Variants in RNLS observed in about 807,000 individuals in gnomAD.
RNLS encodes the protein renalase.
In RNLS, 39 loss-of-function variants were observed where a neutral mutation model predicts 39.8. That is an observed-to-expected ratio of 0.98 (90% CI 0.76 to 1.28). The LOEUF is 1.28. RNLS is among the 50% of genes most tolerant of loss of function. RNLS has a pLI of 0.00. For synonymous variants in RNLS, 147 were observed against 150.7 expected, an observed-to-expected ratio of 0.98 and a Z score of 0.18; for missense variants, 410 against 413.3, an observed-to-expected ratio of 0.99 and a Z score of 0.07.
At chr10:88,217,332 G>A in the RNLS span, among the ~76,000 whole-genome samples, 2 of 152,180 alleles carry the variant, frequency 1.3e-5, no homozygotes, top group Admixed American at 6.5e-5. Context: ...CATATATTTT[G>A]CAGAAATAAC....
intron 4 of RNLS, among the ~76,000 whole-genome samples, chr10:88,544,042 A>G (rs577475836): frequency 3.9e-5 from 6 of 152,286 alleles, no homozygotes; most frequent in African/African-American, 1.4e-4. Flanking sequence ...AGTCACTTAT[A>G]AGCTCTGTGA....
the RNLS span, among the ~76,000 whole-genome samples, chr10:88,238,409 T>C: frequency 2.0e-5 from 3 of 152,158 alleles, no homozygotes; most frequent in African/African-American, 7.2e-5. Flanking sequence ...GTAAGAATGA[T>C]TACATTCTGC....
intron 6 of RNLS, among the ~76,000 whole-genome samples, chr10:88,294,079 G>T (rs981653096): frequency 1.3e-5 from 2 of 152,154 alleles, no homozygotes; most frequent in Non-Finnish European, 2.9e-5. Flanking sequence ...GGGATTGGGG[G>T]AAAATGACTT....
At chr10:88,266,152 G>A in the RNLS span, among the ~76,000 whole-genome samples, 9 of 152,128 alleles carry the variant, frequency 5.9e-5, no homozygotes, top group South Asian at 6.2e-4. Flanking sequence ...GGCTAGTCAC[G>A]TGATGCTAAG....
At chr10:88,447,522 CAGA>C (rs981423546) in intron 4 of RNLS, among the ~76,000 whole-genome samples, 1 of 152,024 alleles carries the variant, frequency 6.6e-6, no homozygotes, top group Admixed American at 6.6e-5. Context: ...CACAAACAAA[CAGA>C]AGAACATTCC....
At chr10:88,429,856 G>A (rs1405372144) in intron 4 of RNLS, among the ~76,000 whole-genome samples, 1 of 151,758 alleles carries the variant, frequency 6.6e-6, no homozygotes, top group Non-Finnish European at 1.5e-5. Context: ...CTATATACAA[G>A]TGAAATGATT....
chr10:88,326,955 T>G (rs1846663298), intron 5 of RNLS, among the ~76,000 whole-genome samples: 2 of 152,244 alleles, frequency 1.3e-5, no homozygotes, highest in Non-Finnish European at 2.9e-5. Context: ...ATAGCTGCCC[T>G]GCTGGGTTTT....
chr10:88,216,648 G>A, the RNLS span, among the ~76,000 whole-genome samples: 1 of 152,290 alleles, frequency 6.6e-6, no homozygotes, highest in East Asian at 1.9e-4. Flanking sequence ...TGAGTTGTAT[G>A]CTTTTCTCTG....
At chr10:88,565,304 G>T (rs1414149297) in intron 4 of RNLS, among the ~76,000 whole-genome samples, 2 of 151,966 alleles carry the variant, frequency 1.3e-5, no homozygotes, top group Non-Finnish European at 2.9e-5. Context: ...TTTGTAAGTG[G>T]ATGTCTTTTT....
chr10:88,549,229 A>AT (rs1564890675), intron 4 of RNLS, among the ~76,000 whole-genome samples: 33 of 152,236 alleles, frequency 2.2e-4, no homozygotes, highest in African/African-American at 4.8e-4. Context: ...TCCTATTTTT[A>AT]ATTCTTTCAT....
chr10:88,287,952 C>T (rs2162361), intron 6 of RNLS, among the ~76,000 whole-genome samples: 28,772 of 152,018 alleles, frequency 0.19, 3,467 homozygotes, highest in Non-Finnish European at 0.27. Flanking sequence ...TATATAAAAA[C>T]TCAAAACCCA....
chr10:88,368,602 C>T lies in RNLS; in HGVS notation c.527-5877G>A, dbSNP rs1408064072. 2.6e-5 allele frequency among the ~76,000 whole-genome samples: 4 copies of T among 151,708 alleles called. No homozygotes were observed. The East Asian group carries it at 5.8e-4, about 22-fold the overall frequency. ...ACATCGTACATATAATTTTGCGTAC[C>T]GAATTTCTGCTTACCATAAGACCAA... On this transcript the variant is annotated intron_variant, in intron 4 of 6. Coordinates refer to ENST00000331772, the MANE Select transcript of RNLS (RefSeq NM_001031709.3).
intron 4 of RNLS, among the ~76,000 whole-genome samples, chr10:88,452,267 T>A (rs1396864725): frequency 6.6e-6 from 1 of 152,178 alleles, no homozygotes; most frequent in East Asian, 1.9e-4. Flanking sequence ...GTGGTCATGA[T>A]CTTGTTAGGG....
At chr10:88,332,986 A>C (rs1005303060) in intron 5 of RNLS, among the ~76,000 whole-genome samples, 1 of 152,146 alleles carries the variant, frequency 6.6e-6, no homozygotes, top group African/African-American at 2.4e-5. Flanking sequence ...CTTTTGAGGA[A>C]TATCAATTGA....
the RNLS span, among the ~76,000 whole-genome samples, chr10:88,243,168 C>G: frequency 6.6e-6 from 1 of 152,188 alleles, no homozygotes; most frequent in Admixed American, 6.5e-5. Flanking sequence ...ATAAGGGATA[C>G]TCACTAAATT....
intron 4 of RNLS, among the ~76,000 whole-genome samples, chr10:88,547,786 C>T (rs975709586): frequency 1.3e-4 from 19 of 151,952 alleles, no homozygotes; most frequent in Middle Eastern, 3.4e-3. Context: ...ATGTACTCAC[C>T]ACAAAATAAT....
At chr10:88,432,596 C>T (rs1855200625) in intron 4 of RNLS, among the ~76,000 whole-genome samples, 1 of 151,748 alleles carries the variant, frequency 6.6e-6, no homozygotes, top group African/African-American at 2.4e-5. Context: ...TTTATGACTC[C>T]TATTTTATCT....
intron 4 of RNLS, among the ~76,000 whole-genome samples, chr10:88,442,311 A>G (rs934602287): frequency 4.6e-5 from 7 of 152,266 alleles, no homozygotes; most frequent in South Asian, 2.1e-4. Flanking sequence ...ATTCACTTAG[A>G]AAGGGTGTCT....
At chr10:88,370,809 C>A (rs1360922107) in intron 4 of RNLS, among the ~76,000 whole-genome samples, 3 of 152,144 alleles carry the variant, frequency 2.0e-5, no homozygotes, top group Non-Finnish European at 4.4e-5. Context: ...AATTTTACCA[C>A]TCATGAGTCA....
Sources: gnomAD v4.1 joint callset for allele counts (sites outside exome capture counted in the v4.1 genomes callset) on GRCh38, gnomAD v4.1.1 for gene constraint, MANE v1.5 for transcripts, NCBI Gene and HGNC (gene_info 2026-07-23, HGNC 2026-07-21) for gene names.